Variants in THSD7B observed in about 807,000 individuals in gnomAD.
THSD7B encodes the protein thrombospondin type-1 domain-containing protein 7B.
Under a neutral mutation model 213.6 loss-of-function variants are expected in THSD7B, and 138 were observed. The observed-to-expected ratio is 0.65, with a 90% CI of 0.56 to 0.74. The LOEUF (loss-of-function observed/expected upper bound fraction) is 0.74. Ranked by LOEUF, THSD7B falls within the 30% of genes least tolerant of loss-of-function variation. The pLI, the probability that THSD7B is intolerant of heterozygous loss-of-function variation, is 0.00. For synonymous variants in THSD7B, 742 were observed against 687.0 expected (o/e 1.08, Z -1.25); for missense variants, 1,931 against 1,991.5 (o/e 0.97, Z 0.58).
chr2:137,390,866 C>A (rs1258135520), intron 12 of THSD7B, among the ~76,000 whole-genome samples: 2 of 152,100 alleles, frequency 1.3e-5, no homozygotes, highest in African/African-American at 4.8e-5. Context: ...ATTTTTGCAT[C>A]CCTAGCAAGA....
Position 137,405,625 on chromosome 2 carries a change from T to C in THSD7B, c.2513T>C (p.Ile838Thr), listed in dbSNP as rs997276384. 2.5e-6 allele frequency: 4 copies of C among 1,606,742 alleles called. No individual in the cohort carries two copies. Among genetic ancestry groups the C allele is most frequent in the Admixed American group, 1.7e-5 (1 of 58,398 alleles). The part of the protein sequence containing the change: ...KGLQTRAVSC[I>T]SDDNRSAEMM... ...TGCTTTTTTTCAGCTGTCTCATGCA[T>C]CTCTGATGACAACCGGTCAGCAGAA... Residue 838 changes from isoleucine (I) to threonine (T), a missense_variant, in exon 13 of 28, where the codon ATC (isoleucine) becomes ACC (threonine). Physicochemically the swap from Ile to Thr is moderately conservative, Grantham distance 89 (BLOSUM62 -1). Transcript: ENST00000409968.
chr2:137,073,557 G>T (rs906656985), intron 3 of THSD7B, among the ~76,000 whole-genome samples: 18 of 152,124 alleles, frequency 1.2e-4, no homozygotes, highest in Admixed American at 7.2e-4. Context: ...ATTGATTTTT[G>T]GAAGGGTTTT....
In THSD7B at chr2:137,572,503, T is replaced by G; in HGVS notation, c.3370T>G (p.Cys1124Gly). The change falls in exon 17 of 28, where the codon TGT becomes GGT. Residue 1124 changes from cysteine to glycine, a missense_variant. Physicochemically the swap from Cys to Gly is radical, Grantham distance 159. Coordinates refer to ENST00000409968, the MANE Select transcript of THSD7B (RefSeq NM_001316349.2). Reference protein sequence around the residue: ...PPETQSCSLMCPNECVMSEWG... With the variant: ...PPETQSCSLMGPNECVMSEWG... The stretch of plus-strand genomic sequence containing the variant: ...AGAAACCCAGTCCTGTTCTCTTATG[T>G]GTCCCAATGAGTGTGTCATGTCTGA... 1 of 1,613,938 alleles carries G rather than the reference T, an allele frequency of 6.2e-7. No homozygotes were observed. The highest frequency in any genetic ancestry group is 8.5e-7 in the Non-Finnish European group (1 of 1,179,844).
At chr2:136,952,211 C>G (rs1208930716) in intron 2 of THSD7B, among the ~76,000 whole-genome samples, 2 of 151,834 alleles carry the variant, frequency 1.3e-5, no homozygotes, top group Non-Finnish European at 2.9e-5. Flanking sequence ...AAGCCAACCC[C>G]CACCCCCCCA....
intron 5 of THSD7B, among the ~76,000 whole-genome samples, chr2:137,136,183 A>G (rs1679453489): frequency 6.6e-6 from 1 of 152,108 alleles, no homozygotes; most frequent in Admixed American, 6.6e-5. Context: ...TAGCATTAGG[A>G]GAAATATTTC....
At chr2:136,844,641 G>T (rs1682978103) in intron 1 of THSD7B, among the ~76,000 whole-genome samples, 1 of 152,156 alleles carries the variant, frequency 6.6e-6, no homozygotes, top group African/African-American at 2.4e-5. Context: ...AGCACACATA[G>T]GTGATGACTA....
At chr2:137,132,829 T>G (rs1688766237) in intron 5 of THSD7B, among the ~76,000 whole-genome samples, 2 of 152,204 alleles carry the variant, frequency 1.3e-5, no homozygotes, top group Non-Finnish European at 2.9e-5. Flanking sequence ...TGTATTCAAC[T>G]GCCTCTTGTT....
intron 15 of THSD7B, among the ~76,000 whole-genome samples, chr2:137,497,601 G>A (rs936516906): frequency 8.7e-5 from 13 of 150,066 alleles, no homozygotes; most frequent in African/African-American, 3.2e-4. Flanking sequence ...ATATATATAT[G>A]TATGTGTGTG....
At chr2:136,811,332 A>G (rs1361851532) in intron 1 of THSD7B, among the ~76,000 whole-genome samples, 1 of 152,134 alleles carries the variant, frequency 6.6e-6, no homozygotes, top group Non-Finnish European at 1.5e-5. Flanking sequence ...AGGCCTTAGA[A>G]TAAATTCACA....
At chr2:137,549,308 CTCTTTTTTT>C (rs1680798524) in intron 15 of THSD7B, among the ~76,000 whole-genome samples, 4 of 100,178 alleles carry the variant, frequency 4.0e-5, no homozygotes, top group African/African-American at 8.5e-5. Flanking sequence ...TTTTCAGATG[CTCTTTTTTT>C]TTTTTTTTTT....
At chr2:136,928,058 G>A (rs1396748053) in intron 2 of THSD7B, among the ~76,000 whole-genome samples, 1 of 152,096 alleles carries the variant, frequency 6.6e-6, no homozygotes, top group African/African-American at 2.4e-5. Flanking sequence ...TAATACAGAT[G>A]CTCCTTGACT....
intron 5 of THSD7B, among the ~76,000 whole-genome samples, chr2:137,145,788 C>T (rs1679686695): frequency 6.6e-6 from 1 of 151,922 alleles, no homozygotes; most frequent in African/African-American, 2.4e-5. Flanking sequence ...TTCATTTTAC[C>T]TGTCCTTTTA....
At chr2:136,795,427 C>A (rs1682043675) in intron 1 of THSD7B, among the ~76,000 whole-genome samples, 2 of 151,864 alleles carry the variant, frequency 1.3e-5, no homozygotes, top group African/African-American at 4.8e-5. Context: ...TCTGGATAAT[C>A]CAGAATAATC....
chr2:137,272,382 C>A, intron 10 of THSD7B, 151 bp from the exon 11 acceptor site: 1 of 661,080 alleles, frequency 1.5e-6, no homozygotes, highest in Non-Finnish European at 2.5e-6. Flanking sequence ...GGAGTGTTAA[C>A]TCCTGGTCTT....
chr2:137,207,031 G>GA (rs1681000809), intron 7 of THSD7B, among the ~76,000 whole-genome samples: 1 of 151,982 alleles, frequency 6.6e-6, no homozygotes, highest in South Asian at 2.1e-4. Context: ...AGTTCAGAGG[G>GA]GAGAGAGGAT....
chr2:137,265,168 T>C (rs1168921427), intron 10 of THSD7B, among the ~76,000 whole-genome samples: 1 of 152,234 alleles, frequency 6.6e-6, no homozygotes, highest in Non-Finnish European at 1.5e-5. Flanking sequence ...AATCATTTTT[T>C]ATGGCTGCAT....
intron 15 of THSD7B, among the ~76,000 whole-genome samples, chr2:137,483,819 C>G (rs189393292): frequency 6.6e-6 from 1 of 152,012 alleles, no homozygotes; most frequent in African/African-American, 2.4e-5. Flanking sequence ...CTGGTTATAA[C>G]CTTACGAATC....
chr2:137,057,329 A>G (rs1222208644), intron 3 of THSD7B, 99 bp downstream of exon 3: 39 of 1,219,132 alleles, frequency 3.2e-5, no homozygotes, highest in Non-Finnish European at 4.1e-5. Context: ...GAAAATGGCA[A>G]CGAGGTTTAT....
chr2:137,570,953 A>T (rs1308909079), intron 16 of THSD7B, among the ~76,000 whole-genome samples: 2 of 152,220 alleles, frequency 1.3e-5, no homozygotes, highest in African/African-American at 4.8e-5. Context: ...CATTTTGAAA[A>T]ATAATTATAA....
Sources: allele counts gnomAD v4.1 joint callset (sites outside exome capture counted in the v4.1 genomes callset), GRCh38; gene constraint gnomAD v4.1.1; transcripts MANE v1.5; gene names NCBI Gene and HGNC (gene_info 2026-07-23, HGNC 2026-07-21).